The following FRAS1 variants were observed in gnomAD, a reference collection of about 807,000 sequenced individuals.
The protein encoded by FRAS1 is Fraser extracellular matrix complex subunit 1.
Under a neutral mutation model 435.2 loss-of-function variants are expected in FRAS1, and 290 were observed. That is an observed-to-expected ratio of 0.67 (90% CI 0.61 to 0.73). The LOEUF is 0.73. Among genes scored for constraint, FRAS1 ranks in the 30% least tolerant of loss-of-function variants. The pLI, the probability that FRAS1 is intolerant of heterozygous loss-of-function variation, is 0.00. For missense variants in FRAS1, 4,860 were observed against 5,001.5 expected (o/e 0.97, Z 0.85); for synonymous variants, 1,800 against 1,851.0 (o/e 0.97, Z 0.71).
intron 18 of FRAS1, among the ~76,000 whole-genome samples, chr4:78,328,664 G>T (rs1010984216): frequency 9.2e-5 from 14 of 152,094 alleles, no homozygotes; most frequent in African/African-American, 2.9e-4. Context: ...TCCTAACTGT[G>T]AAACCATGCC....
intron 58 of FRAS1, among the ~76,000 whole-genome samples, chr4:78,485,267 A>G (rs184469664): frequency 9.6e-4 from 146 of 152,316 alleles, no homozygotes; most frequent in Non-Finnish European, 1.5e-3. Context: ...TTACATGTTG[A>G]TTTCTTTTCT....
In FRAS1 at chr4:78,379,687, G is replaced by A. The variant is rs77641558; in HGVS notation, c.3293-39G>A. On this transcript the variant is annotated intron_variant, in intron 26 of 73. Transcript: ENST00000512123. ...GGGGAAAGTGACCTAATTAGTGAAGGTACCATAAGCTTGACCTTTGGATTC... is the reference window on the plus strand; with the variant it reads ...GGGGAAAGTGACCTAATTAGTGAAGATACCATAAGCTTGACCTTTGGATTC... 2,898 of 1,580,230 alleles carry A rather than the reference G, an allele frequency of 1.8e-3. 35 individuals carry two copies. The African/African-American group carries it at 0.035, about 19-fold the overall frequency.
At chr4:78,142,271 TATCA>T (rs1720227062) in intron 2 of FRAS1, among the ~76,000 whole-genome samples, 1 of 152,052 alleles carries the variant, frequency 6.6e-6, no homozygotes. Flanking sequence ...GAAGCTGAGC[TATCA>T]GTTAGGTCAA....
intron 64 of FRAS1, among the ~76,000 whole-genome samples, chr4:78,511,730 A>C (rs1721049964): frequency 6.6e-6 from 1 of 152,184 alleles, no homozygotes; most frequent in Non-Finnish European, 1.5e-5. Context: ...CATTCCAACC[A>C]CAAGGAATCA....
At position 78,279,910 on chromosome 4, in the gene FRAS1, G is replaced by C. The variant is rs771501831; in HGVS notation, c.1071+1166G>C. 3.2e-4 allele frequency among the ~76,000 whole-genome samples: 49 copies of C among 152,198 alleles called. 1 individual carries two copies. Among genetic ancestry groups the C allele is most frequent in the Middle Eastern group, 3.4e-3 (1 of 294 alleles). ...ACTGTGAATAGTACTGATCCTGATT[G>C]GCATCAGTTGAAACAAATTTCTGTT... is the stretch of plus-strand genomic sequence containing the variant. On this transcript the variant is annotated intron_variant, in intron 10 of 73. Coordinates refer to ENST00000512123, the MANE Select transcript of FRAS1 (RefSeq NM_025074.7).
At chr4:78,114,900 C>G (rs1300595750) in intron 2 of FRAS1, among the ~76,000 whole-genome samples, 1 of 152,254 alleles carries the variant, frequency 6.6e-6, no homozygotes, top group East Asian at 1.9e-4. Flanking sequence ...GCATCCCTGT[C>G]TTGTGCCAGT....
chr4:78,392,084 A>G (rs1425640007), intron 29 of FRAS1, among the ~76,000 whole-genome samples: 1 of 152,132 alleles, frequency 6.6e-6, no homozygotes, highest in Non-Finnish European at 1.5e-5. Context: ...TGAAATCTAC[A>G]TGGAGCAAGG....
intron 61 of FRAS1, among the ~76,000 whole-genome samples, chr4:78,506,401 TC>T (rs2109880153): frequency 6.6e-6 from 1 of 152,094 alleles, no homozygotes; most frequent in Admixed American, 6.5e-5. Flanking sequence ...TGTGGTGGGC[TC>T]CCCCCAGTTC....
intron 2 of FRAS1, among the ~76,000 whole-genome samples, chr4:78,123,898 A>G (rs1192905757): frequency 7.2e-5 from 11 of 152,126 alleles, no homozygotes; most frequent in African/African-American, 2.7e-4. Flanking sequence ...GGGTTTTTTA[A>G]ACATACAATC....
chr4:78,172,629 C>T (rs1324467162), intron 2 of FRAS1, among the ~76,000 whole-genome samples: 1 of 152,078 alleles, frequency 6.6e-6, no homozygotes, highest in African/African-American at 2.4e-5. Context: ...TTCACTCTGA[C>T]ACTAAACAAC....
chr4:78,473,472 G>A lies in FRAS1; in HGVS notation c.7557G>A (p.Leu2519=), dbSNP rs2109852811. 2 of 1,613,500 alleles carry A rather than the reference G, an allele frequency of 1.2e-6. No homozygotes were observed. Among genetic ancestry groups the A allele is most frequent in the East Asian group, 2.2e-5 (1 of 44,864 alleles). Residue 2519 remains leucine, a synonymous_variant, in exon 53 of 74, where the codon TTG becomes TTA. Transcript: ENST00000512123. Reference sequence around the variant, plus strand: ...ACTTGGGGTTGATTCGTTATGTGTTGCACAAGGAGAAGATCCGTGAGATGA... The same window carrying A: ...ACTTGGGGTTGATTCGTTATGTGTTACACAAGGAGAAGATCCGTGAGATGA... ...DVNLGLIRYV[L]HKEKIREMMD... is the part of the protein sequence containing the mutation.
intron 2 of FRAS1, among the ~76,000 whole-genome samples, chr4:78,150,370 C>T (rs1032415853): frequency 7.9e-5 from 12 of 152,184 alleles, no homozygotes; most frequent in African/African-American, 2.4e-4. Flanking sequence ...CTTTTTGGTC[C>T]GCTTTTGGTC....
At chr4:78,330,741 C>G (rs573118118) in intron 18 of FRAS1, among the ~76,000 whole-genome samples, 2 of 152,258 alleles carry the variant, frequency 1.3e-5, no homozygotes, top group South Asian at 2.1e-4. Context: ...ATTGCAAAAC[C>G]CTGTCTCCTG....
chr4:78,261,923 C>T (rs894687200), intron 6 of FRAS1, among the ~76,000 whole-genome samples: 1 of 152,150 alleles, frequency 6.6e-6, no homozygotes, highest in African/African-American at 2.4e-5. Flanking sequence ...TCCTTTCCTA[C>T]CTATCATTCT....
chr4:78,307,513 T>C (rs1031410262), intron 14 of FRAS1, among the ~76,000 whole-genome samples: 1 of 152,222 alleles, frequency 6.6e-6, no homozygotes, highest in African/African-American at 2.4e-5. Context: ...CGAGACTCCG[T>C]GGGCGTAGGA....
intron 20 of FRAS1, among the ~76,000 whole-genome samples, chr4:78,346,951 C>T (rs1204058052): frequency 6.6e-6 from 1 of 152,058 alleles, no homozygotes; most frequent in African/African-American, 2.4e-5. Context: ...CCTCCAGGGC[C>T]CTTGTGTCTT....
chr4:78,090,745 C>G (rs1258495450), intron 2 of FRAS1, among the ~76,000 whole-genome samples: 3 of 152,072 alleles, frequency 2.0e-5, no homozygotes, highest in South Asian at 2.1e-4. Flanking sequence ...TACAAGTCGA[C>G]AACTGAAGAA....
At chr4:78,189,912 A>ACCATCTCCTG (rs1722457218) in intron 2 of FRAS1, among the ~76,000 whole-genome samples, 1 of 101,702 alleles carries the variant, frequency 9.8e-6, no homozygotes, top group Admixed American at 1.0e-4. Flanking sequence ...TCCAATGCAT[A>ACCATCTCCTG]TAAATTCTAC....
At chr4:78,455,666 C>T (rs565988079) in intron 47 of FRAS1, among the ~76,000 whole-genome samples, 1 of 152,182 alleles carries the variant, frequency 6.6e-6, no homozygotes, top group Admixed American at 6.5e-5. Flanking sequence ...TCTCTTCTTC[C>T]CCATAGGAGA....
Sources: allele counts gnomAD v4.1 joint callset (sites outside exome capture counted in the v4.1 genomes callset), GRCh38; gene constraint gnomAD v4.1.1; transcripts MANE v1.5; gene names NCBI Gene and HGNC (gene_info 2026-07-23, HGNC 2026-07-21).